LRRC4C: variants seen among roughly 807,000 people sequenced by gnomAD.
LRRC4C encodes the protein leucine rich repeat containing 4C.
A neutral mutation model predicts 33.6 loss-of-function variants in LRRC4C; 5 were observed. The observed-to-expected ratio is 0.15, with a 90% CI of 0.08 to 0.31. LRRC4C has a LOEUF of 0.31. Ranked by LOEUF, LRRC4C falls within the 10% of genes least tolerant of loss-of-function variation. The probability of loss-of-function intolerance (pLI) is 1.00; values close to 1 mark genes in which losing one functional copy is unlikely to be tolerated. For missense variants in LRRC4C, 560 were observed against 796.7 expected, an observed-to-expected ratio of 0.70 and a Z score of 3.58; for synonymous variants, 329 against 302.0, an observed-to-expected ratio of 1.09 and a Z score of -0.93.
chr11:40,998,624 C>G (rs1315422026), intron 1 of LRRC4C, among the ~76,000 whole-genome samples: 2 of 152,116 alleles, frequency 1.3e-5, no homozygotes, highest in Non-Finnish European at 2.9e-5. Context: ...CCTAATTCAA[C>G]TGCTCCATGA....
At chr11:41,119,038 G>A (rs1942288369) in intron 1 of LRRC4C, among the ~76,000 whole-genome samples, 1 of 151,974 alleles carries the variant, frequency 6.6e-6, no homozygotes, top group Admixed American at 6.6e-5. Flanking sequence ...CTCAAGAGAA[G>A]TGTAAAGGGT....
At chr11:40,933,313 A>G (rs1957717445) in intron 2 of LRRC4C, among the ~76,000 whole-genome samples, 1 of 152,234 alleles carries the variant, frequency 6.6e-6, no homozygotes, top group South Asian at 2.1e-4. Context: ...GAGCCCTGAC[A>G]CAGGTGTGTG....
rs951800237 is a variant in LRRC4C, at chr11:40,412,036, T to A, written c.-269-92315A>T. 1.2e-4 allele frequency among the ~76,000 whole-genome samples: 18 copies of A among 151,962 alleles called. 3 individuals carry two copies. Among genetic ancestry groups the A allele is most frequent in the Admixed American group, 1.1e-3 (17 of 15,226 alleles). On this transcript the variant is annotated intron_variant, in intron 3 of 6. Coordinates refer to ENST00000528697, the MANE Select transcript of LRRC4C (RefSeq NM_001258419.2). Reference sequence around the variant, plus strand: ...TGATTTTTTCAAATAACATACAGCTTTTTTTGGGGGGTTATCTGTTAAAAG... The same window carrying A: ...TGATTTTTTCAAATAACATACAGCTATTTTTGGGGGGTTATCTGTTAAAAG...
At chr11:40,280,296 C>A (rs1007532821) in intron 4 of LRRC4C, among the ~76,000 whole-genome samples, 21 of 152,218 alleles carry the variant, frequency 1.4e-4, no homozygotes, top group African/African-American at 5.1e-4. Flanking sequence ...CTTCAGTGAA[C>A]AGCAGAAGGG....
intron 2 of LRRC4C, among the ~76,000 whole-genome samples, chr11:40,876,019 T>A (rs1954870466): frequency 6.6e-6 from 1 of 152,160 alleles, no homozygotes; most frequent in South Asian, 2.1e-4. Context: ...TAGAAAATCC[T>A]GCTTTATAAA....
intron 2 of LRRC4C, among the ~76,000 whole-genome samples, chr11:40,766,306 A>G (rs2137119388): frequency 6.8e-6 from 1 of 146,492 alleles, no homozygotes; most frequent in African/African-American, 2.5e-5. Flanking sequence ...TTTCATTAAT[A>G]CCAGAACTGT....
At chr11:40,500,293 T>TACAC (rs375005241) in intron 3 of LRRC4C, among the ~76,000 whole-genome samples, 279 of 96,846 alleles carry the variant, frequency 2.9e-3, no homozygotes, top group Admixed American at 4.6e-3. Flanking sequence ...TATATATATA[T>TACAC]ACACACACAC....
At chr11:41,410,402 G>GT (rs1336824802) in intron 1 of LRRC4C, among the ~76,000 whole-genome samples, 603 of 140,984 alleles carry the variant, frequency 4.3e-3, no homozygotes, top group African/African-American at 5.7e-3. Flanking sequence ...TAGTGAGAAA[G>GT]TTTTTTTTTT....
chr11:40,983,551 A>G (rs1852690953), intron 1 of LRRC4C, among the ~76,000 whole-genome samples: 1 of 152,206 alleles, frequency 6.6e-6, no homozygotes, highest in South Asian at 2.1e-4. Context: ...TCAACAGAGT[A>G]AACAGACAAC....
intron 5 of LRRC4C, among the ~76,000 whole-genome samples, chr11:40,223,843 T>G (rs1308404240): frequency 6.6e-6 from 1 of 152,246 alleles, no homozygotes; most frequent in East Asian, 1.9e-4. Context: ...CTAATTATTT[T>G]TAAATGACTT....
chr11:41,006,142 ACATATTTGGTTTTTATG>A (rs1363931073), intron 1 of LRRC4C, among the ~76,000 whole-genome samples: 2 of 152,212 alleles, frequency 1.3e-5, no homozygotes, highest in African/African-American at 2.4e-5. Flanking sequence ...AGTGGTGTTG[ACATATTTGGTTTTTATG>A]CATCCATGAA....
At chr11:40,278,483 C>T (rs146531839) in intron 4 of LRRC4C, among the ~76,000 whole-genome samples, 2 of 152,228 alleles carry the variant, frequency 1.3e-5, no homozygotes, top group South Asian at 2.1e-4. Context: ...TTTGTTTTTG[C>T]TTTTGTTTCT....
intron 3 of LRRC4C, among the ~76,000 whole-genome samples, chr11:40,467,864 T>G (rs1177411166): frequency 6.6e-6 from 1 of 152,214 alleles, no homozygotes; most frequent in Non-Finnish European, 1.5e-5. Context: ...TATATCACAC[T>G]TGAAATCACT....
chr11:40,146,111 G>A (rs1408309162), intron 5 of LRRC4C, among the ~76,000 whole-genome samples: 1 of 152,102 alleles, frequency 6.6e-6, no homozygotes, highest in Non-Finnish European at 1.5e-5. Flanking sequence ...AGTCTGAAAG[G>A]ACACATGATA....
chr11:41,364,970 A>T (rs1246107483), intron 1 of LRRC4C, among the ~76,000 whole-genome samples: 4 of 150,144 alleles, frequency 2.7e-5, no homozygotes, highest in Admixed American at 6.7e-5. Flanking sequence ...AACACCATGG[A>T]GTGTGTGTGT....
chr11:41,285,337 G>C (rs1949791435), intron 1 of LRRC4C, among the ~76,000 whole-genome samples: 1 of 152,060 alleles, frequency 6.6e-6, no homozygotes, highest in African/African-American at 2.4e-5. Flanking sequence ...TCAATTCACA[G>C]CCTATAAGAA....
intron 3 of LRRC4C, among the ~76,000 whole-genome samples, chr11:40,355,968 A>AGTATAGTATAGTATT (rs1249692136): frequency 2.3e-5 from 1 of 42,852 alleles, no homozygotes; most frequent in African/African-American, 5.3e-5. Flanking sequence ...AGTATAGTAT[A>AGTATAGTATAGTATT]GTATAGTACA....
At chr11:40,128,723 G>T (rs187156736) in intron 6 of LRRC4C, among the ~76,000 whole-genome samples, 1 of 152,074 alleles carries the variant, frequency 6.6e-6, no homozygotes, top group East Asian at 1.9e-4. Flanking sequence ...TTTCTCAAAA[G>T]ATTCAGCCTT....
At chr11:40,678,812 A>G (rs936360724) in intron 2 of LRRC4C, among the ~76,000 whole-genome samples, 1 of 152,172 alleles carries the variant, frequency 6.6e-6, no homozygotes, top group Non-Finnish European at 1.5e-5. Context: ...AGCCACCAGC[A>G]TGTCTTTATT....
Sources: allele counts gnomAD v4.1 joint callset (sites outside exome capture counted in the v4.1 genomes callset), GRCh38; gene constraint gnomAD v4.1.1; transcripts MANE v1.5; gene names NCBI Gene and HGNC (gene_info 2026-07-23, HGNC 2026-07-21).